Variants in CCDC171 observed in about 807,000 individuals in gnomAD.
CCDC171 encodes coiled-coil domain containing 171, also known as coiled-coil domain-containing protein 171.
CCDC171 carries 177 observed loss-of-function variants against 168.2 expected under a neutral mutation model. That is an observed-to-expected ratio of 1.05 (90% CI 0.93 to 1.19). The LOEUF is 1.19. Among genes scored for constraint, CCDC171 ranks in the 50% most tolerant of loss-of-function variants. The pLI is 0.00. For synonymous variants in CCDC171, 687 were observed against 540.8 expected, an observed-to-expected ratio of 1.27 and a Z score of -3.75; for missense variants, 1,991 against 1,539.0, an observed-to-expected ratio of 1.29 and a Z score of -4.91.
intron 11 of CCDC171, among the ~76,000 whole-genome samples, chr9:15,708,454 C>G (rs1161877322): frequency 6.6e-6 from 1 of 152,184 alleles, no homozygotes; most frequent in Non-Finnish European, 1.5e-5. Context: ...TATCCTCCCT[C>G]TTTTGGAAAT....
At chr9:15,600,501 T>G (rs533100781) in intron 6 of CCDC171, among the ~76,000 whole-genome samples, 1 of 152,292 alleles carries the variant, frequency 6.6e-6, no homozygotes, top group East Asian at 1.9e-4. Flanking sequence ...CTGGAAGTTT[T>G]GTCGCAGAGG....
chr9:15,629,162 C>T (rs1290877054), intron 7 of CCDC171, among the ~76,000 whole-genome samples: 6 of 151,770 alleles, frequency 4.0e-5, no homozygotes, highest in Admixed American at 1.3e-4. Context: ...TCACCAGCAA[C>T]GGAACAAAGC....
intron 1 of CCDC171, among the ~76,000 whole-genome samples, chr9:15,554,408 A>G (rs1042466935): frequency 3.3e-5 from 5 of 152,178 alleles, no homozygotes; most frequent in African/African-American, 1.2e-4. Flanking sequence ...TAAAATGCAG[A>G]GGAAACAAAG....
intron 18 of CCDC171, among the ~76,000 whole-genome samples, chr9:15,750,332 C>T (rs961885986): frequency 6.6e-6 from 1 of 151,964 alleles, no homozygotes; most frequent in Non-Finnish European, 1.5e-5. Flanking sequence ...AATTAATAGC[C>T]TACTCACCAA....
chr9:15,777,602 C>G lies in CCDC171; in HGVS notation c.2674C>G (p.Pro892Ala). The G allele has an allele frequency of 6.3e-7, 1 of 1,597,634 alleles. No individual in the cohort carries two copies. Among genetic ancestry groups the G allele is most frequent in the African/African-American group, 1.4e-5 (1 of 74,000 alleles). The change falls in exon 19 of 26, where the codon CCA becomes GCA. Residue 892 changes from proline (P) to alanine (A), a missense_variant and splice_region_variant. Coordinates refer to ENST00000380701, the MANE Select transcript of CCDC171 (RefSeq NM_173550.4). ...ELQDVIGKAD[P>A]NSRICGHLLI... ...CCTTTTTTTCTTTTTCTTTGAAGAT[C>G]CAAATTCCAGAATTTGTGGACATTT...
chr9:15,561,723 A>C (rs1425309327), intron 1 of CCDC171, among the ~76,000 whole-genome samples: 3 of 152,144 alleles, frequency 2.0e-5, no homozygotes, highest in Admixed American at 1.3e-4. Context: ...GACCGTATCA[A>C]CTTTGGTCCT....
chr9:15,695,361 A>C, intron 11 of CCDC171, 24 bp downstream of exon 11: 1 of 1,551,780 alleles, frequency 6.4e-7, no homozygotes, highest in Non-Finnish European at 8.9e-7. Flanking sequence ...ATAAAATGAC[A>C]GATGCATCTG....
At chr9:15,641,938 C>T (rs573701380) in intron 7 of CCDC171, among the ~76,000 whole-genome samples, 9 of 151,992 alleles carry the variant, frequency 5.9e-5, no homozygotes, top group Non-Finnish European at 1.2e-4. Context: ...CCAAGGTGGG[C>T]GGATCACTTG....
At chr9:15,771,543 G>A (rs10810445) in intron 18 of CCDC171, among the ~76,000 whole-genome samples, 142,972 of 152,150 alleles carry the variant, frequency 0.94, 67,247 homozygotes, top group East Asian at 1. Flanking sequence ...AATTATAAAA[G>A]CTCCTTGTGT....
chr9:15,579,181 C>G (rs992303086), intron 4 of CCDC171, among the ~76,000 whole-genome samples, 158 bp downstream of exon 4: 20 of 152,114 alleles, frequency 1.3e-4, no homozygotes, highest in Admixed American at 5.9e-4. Flanking sequence ...TATAAAAAGT[C>G]TTCTGGCAAT....
intron 3 of CCDC171, among the ~76,000 whole-genome samples, chr9:16,019,819 G>C (rs1589331277): frequency 6.6e-6 from 1 of 152,310 alleles, no homozygotes; most frequent in South Asian, 2.1e-4. Context: ...TTCTGAGCAT[G>C]ATTTCAAGGG....
chr9:15,606,199 G>A (rs141306375), intron 6 of CCDC171, among the ~76,000 whole-genome samples: 1 of 152,286 alleles, frequency 6.6e-6, no homozygotes, highest in East Asian at 1.9e-4. Flanking sequence ...CAGGGTAACT[G>A]AAAGGGAAGA....
intron 7 of CCDC171, among the ~76,000 whole-genome samples, chr9:15,626,830 T>A (rs1483938190): frequency 6.6e-6 from 1 of 152,230 alleles, no homozygotes. Context: ...GCTGGCCTCA[T>A]AAAATGACTT....
chr9:15,921,207 A>G (rs539381789), intron 25 of CCDC171, among the ~76,000 whole-genome samples: 9 of 151,866 alleles, frequency 5.9e-5, no homozygotes, highest in Admixed American at 3.3e-4. Context: ...TTCAAATGCT[A>G]CATTCAACAG....
At chr9:15,883,026 C>CTGCCTG (rs1563932804) in intron 24 of CCDC171, 26 of 330,242 alleles carry the variant, frequency 7.9e-5, no homozygotes, top group African/African-American at 2.1e-4. Flanking sequence ...TCCTCCCCTC[C>CTGCCTG]CCTCCCCTTC....
At chr9:15,861,462 G>C (rs2061555707) in intron 23 of CCDC171, among the ~76,000 whole-genome samples, 1 of 151,182 alleles carries the variant, frequency 6.6e-6, no homozygotes, top group Admixed American at 6.6e-5. Context: ...CTCATCCTTT[G>C]TGTTTCGTTG....
chr9:15,722,018 C>T (rs1316082267), intron 12 of CCDC171, 143 bp downstream of exon 12: 4 of 364,722 alleles, frequency 1.1e-5, no homozygotes, highest in Non-Finnish European at 2.0e-5. Context: ...TTATCTTTCG[C>T]TGTTCTTTCT....
In CCDC171 at chr9:16,028,610, TCTGGCAGCTCTAGCTC is replaced by T. The variant is rs565888566; in HGVS notation, n.998+5723_998+5738del. On this transcript the variant is annotated intron_variant and non_coding_transcript_variant, in intron 6 of 9. Coordinates refer to the CCDC171 transcript ENST00000486641. The stretch of plus-strand genomic sequence containing the variant: ...TCTAGCTCCTGTCAGTTTTGTTAAA[TCTGGCAGCTCTAGCTC>T]CTGGCAGCTCTAGCTCCTGGTGTGG... Among the ~76,000 whole-genome samples, 5 of 152,224 alleles carry T rather than the reference TCTGGCAGCTCTAGCTC, an allele frequency of 3.3e-5. No individual in the cohort carries two copies. The South Asian group carries it at 6.2e-4, about 19-fold the overall frequency.
intron 3 of CCDC171, among the ~76,000 whole-genome samples, chr9:15,981,280 A>G (rs1831788660): frequency 6.7e-6 from 1 of 148,788 alleles, no homozygotes; most frequent in African/African-American, 2.6e-5. Flanking sequence ...ATGGCTTTAT[A>G]TGCAAAGAGA....
Sources: gnomAD v4.1 joint callset for allele counts (sites outside exome capture counted in the v4.1 genomes callset) on GRCh38, gnomAD v4.1.1 for gene constraint, MANE v1.5 for transcripts, NCBI Gene and HGNC (gene_info 2026-07-23, HGNC 2026-07-21) for gene names.